RPS6KC1: variants seen among roughly 807,000 people sequenced by gnomAD.
The protein encoded by RPS6KC1 is ribosomal protein S6 kinase C1, also known as inactive ribosomal protein S6 kinase delta-1.
In RPS6KC1, 54 loss-of-function variants were observed where a neutral mutation model predicts 103.8. The observed-to-expected ratio is 0.52, with a 90% CI of 0.42 to 0.65. The LOEUF is 0.65. Among genes scored for constraint, RPS6KC1 ranks in the 30% least tolerant of loss-of-function variants. The pLI, the probability that RPS6KC1 is intolerant of heterozygous loss-of-function variation, is 0.00. For synonymous variants in RPS6KC1, 439 were observed against 438.7 expected, an observed-to-expected ratio of 1.00 and a Z score of -0.01; for missense variants, 1,151 against 1,253.8, an observed-to-expected ratio of 0.92 and a Z score of 1.24.
chr1:213,339,658 A>T, the RPS6KC1 span, among the ~76,000 whole-genome samples: 1 of 152,312 alleles, frequency 6.6e-6, no homozygotes, highest in East Asian at 1.9e-4. Flanking sequence ...TTCTTGCGGG[A>T]TTATTTGAGA....
chr1:213,160,885 A>G (rs914059104), intron 6 of RPS6KC1, among the ~76,000 whole-genome samples: 3 of 152,116 alleles, frequency 2.0e-5, no homozygotes, highest in African/African-American at 4.8e-5. Flanking sequence ...GCATTAGGAG[A>G]ATATCTAACA....
chr1:213,313,959 GAAA>G, the RPS6KC1 span, among the ~76,000 whole-genome samples: 1 of 151,748 alleles, frequency 6.6e-6, no homozygotes, highest in Non-Finnish European at 1.5e-5. Flanking sequence ...TTTAAAAAAA[GAAA>G]AAAAAGAATA....
chr1:213,241,242 C>G lies in RPS6KC1; in HGVS notation c.1766C>G (p.Ser589Cys), dbSNP rs769649294. 1 of 1,613,820 alleles carries G rather than the reference C, an allele frequency of 6.2e-7. No individual in the cohort carries two copies. Among genetic ancestry groups the G allele is most frequent in the Admixed American group, 1.7e-5 (1 of 59,944 alleles). ...GTTAGTTCTCCAAGAACATCAGATT[C>G]CCTCAGTAGATCAAAAAATAGCCCC... ...EAVSSPRTSD[S>C]LSRSKNSPME... The change falls in exon 11 of 15, where the codon TCC (serine) becomes TGC (cysteine). Residue 589 changes from serine to cysteine, a missense_variant. Physicochemically the swap from Ser to Cys is moderately radical, Grantham distance 112. This residue lies in a region of RPS6KC1 where 959 missense variants were observed against 1,006.3 expected (regional missense o/e 0.95). Transcript: ENST00000366960.
At chr1:213,141,536 T>C (rs1306675898) in intron 6 of RPS6KC1, among the ~76,000 whole-genome samples, 1 of 152,010 alleles carries the variant, frequency 6.6e-6, no homozygotes, top group East Asian at 1.9e-4. Context: ...TTTTCTTTTT[T>C]AGTCTAGCTA....
the RPS6KC1 span, among the ~76,000 whole-genome samples, chr1:213,562,941 G>A: frequency 1.3e-5 from 2 of 152,186 alleles, no homozygotes; most frequent in Admixed American, 6.5e-5. Context: ...TGGGATTACA[G>A]GTGTGAGCCA....
At chr1:213,548,494 C>T in the RPS6KC1 span, among the ~76,000 whole-genome samples, 5 of 152,088 alleles carry the variant, frequency 3.3e-5, no homozygotes, top group African/African-American at 1.2e-4. Flanking sequence ...AACCCCATCT[C>T]TACTAAAAGT....
the RPS6KC1 span, among the ~76,000 whole-genome samples, chr1:213,409,364 C>T: frequency 6.6e-6 from 1 of 152,138 alleles, no homozygotes; most frequent in East Asian, 1.9e-4. Context: ...GTGGTTCTGA[C>T]TGAGGAAGGC....
At chr1:213,298,240 G>A in the RPS6KC1 span, among the ~76,000 whole-genome samples, 1 of 152,226 alleles carries the variant, frequency 6.6e-6, no homozygotes, top group Non-Finnish European at 1.5e-5. Flanking sequence ...ATTTTTGCGT[G>A]TATCTTTTGC....
chr1:213,267,182 A>G (rs2094931136), intron 14 of RPS6KC1, among the ~76,000 whole-genome samples: 1 of 152,012 alleles, frequency 6.6e-6, no homozygotes, highest in Non-Finnish European at 1.5e-5. Context: ...ATGCGTTGGC[A>G]GAGAACAGAA....
At chr1:213,661,498 C>T in the RPS6KC1 span, among the ~76,000 whole-genome samples, 1 of 152,172 alleles carries the variant, frequency 6.6e-6, no homozygotes, top group Admixed American at 6.5e-5. Flanking sequence ...TGATAACTCA[C>T]CCCAAGGGGA....
the RPS6KC1 span, among the ~76,000 whole-genome samples, chr1:213,760,005 G>T: frequency 6.6e-6 from 1 of 152,062 alleles, no homozygotes; most frequent in Admixed American, 6.5e-5. Context: ...TTTCCCCCTC[G>T]TTCCCTGCAA....
chr1:213,417,460 T>C, the RPS6KC1 span, among the ~76,000 whole-genome samples: 5 of 152,112 alleles, frequency 3.3e-5, no homozygotes, highest in African/African-American at 4.8e-5. Flanking sequence ...TGCATCGAGC[T>C]TCCTTTTGTC....
chr1:213,444,412 G>A, the RPS6KC1 span, among the ~76,000 whole-genome samples: 1 of 152,268 alleles, frequency 6.6e-6, no homozygotes, highest in South Asian at 2.1e-4. Context: ...AGTTAAGCTG[G>A]TTTCTATATG....
chr1:213,638,237 T>C, the RPS6KC1 span, among the ~76,000 whole-genome samples: 803 of 152,250 alleles, frequency 5.3e-3, 12 homozygotes, highest in African/African-American at 0.018. Context: ...TTAGCTGGAT[T>C]GTTTCTTTTC....
the RPS6KC1 span, among the ~76,000 whole-genome samples, chr1:213,601,907 C>A: frequency 6.8e-6 from 1 of 146,242 alleles, no homozygotes; most frequent in South Asian, 2.3e-4. Flanking sequence ...CCCTCTTTCC[C>A]TTCCCTTCCC....
the RPS6KC1 span, among the ~76,000 whole-genome samples, chr1:213,728,936 G>A: frequency 0.017 from 1,077 of 62,944 alleles, 7 homozygotes; most frequent in Middle Eastern, 0.064. Flanking sequence ...AGAACATGAG[G>A]GTTTTTTTTT....
At chr1:213,723,325 A>G in the RPS6KC1 span, among the ~76,000 whole-genome samples, 3 of 152,366 alleles carry the variant, frequency 2.0e-5, 1 homozygote, top group South Asian at 4.1e-4. Flanking sequence ...ATAACAAAGC[A>G]TCACAGACAG....
At chr1:213,602,108 CTT>C in the RPS6KC1 span, among the ~76,000 whole-genome samples, 176 of 35,016 alleles carry the variant, frequency 5.0e-3, 1 homozygote, top group Middle Eastern at 0.01. Context: ...TTCTTTCTTT[CTT>C]TCTTTCTTTC....
the RPS6KC1 span, among the ~76,000 whole-genome samples, chr1:213,463,283 T>C: frequency 6.6e-6 from 1 of 152,200 alleles, no homozygotes; most frequent in African/African-American, 2.4e-5. Context: ...CTCTGGGGCC[T>C]GTCTGCTTGG....
Sources: gnomAD v4.1 joint callset for allele counts (sites outside exome capture counted in the v4.1 genomes callset) on GRCh38, gnomAD v4.1.1 for gene constraint, gnomAD v4.1.1 regional missense constraint, MANE v1.5 for transcripts, NCBI Gene and HGNC (gene_info 2026-07-23, HGNC 2026-07-21) for gene names.